SCNN1D: variants seen among roughly 807,000 people sequenced by gnomAD.
SCNN1D encodes sodium channel epithelial 1 subunit delta, also known as epithelial sodium channel subunit delta.
In SCNN1D, 104 loss-of-function variants were observed where a neutral mutation model predicts 87.8. The observed-to-expected ratio is 1.18, with a 90% CI of 1.01 to 1.39. SCNN1D has a LOEUF of 1.39. SCNN1D is among the 40% of genes most tolerant of loss of function. The pLI is 0.00. For missense variants in SCNN1D, 1,324 were observed against 1,093.9 expected (o/e 1.21, Z -2.97); for synonymous variants, 628 against 481.2 (o/e 1.31, Z -3.99).
Position 1,285,758 on chromosome 1 carries a change from G to A in SCNN1D, c.558+94G>A, listed in dbSNP as rs11260578. On this transcript the variant is annotated intron_variant, in intron 6 of 17. Coordinates refer to ENST00000379116, the MANE Select transcript of SCNN1D (RefSeq NM_001130413.4). Reference sequence around the variant, plus strand: ...GGCTACACTGAGACGTGTCAGGGACGGGTGTATCCGGGGAGAAGGGCGCAG... The same window carrying A: ...GGCTACACTGAGACGTGTCAGGGACAGGTGTATCCGGGGAGAAGGGCGCAG... 0.074 allele frequency: 90,016 copies of A among 1,218,022 alleles called. 15,008 individuals carry two copies. The highest frequency in any genetic ancestry group is 0.61 in the East Asian group (23,628 of 38,688). 75.5% of individuals were successfully genotyped at this position (1,218,022 alleles called of 1,614,324 possible). A position where few individuals can be genotyped will look rare whatever the true frequency, so the allele number is the denominator to read the frequency against.
At position 1,288,647 on chromosome 1, in the gene SCNN1D, CCGTGTCTCTGCTCCGT is replaced by C. The variant is rs1327212178; in HGVS notation, c.1662+612_1662+627del. On this transcript the variant is annotated intron_variant, in intron 12 of 17. Transcript: ENST00000379116. ...CCGTCCCCCGTGTCTCTGCCCCGTC[CCGTGTCTCTGCTCCGT>C]CCCGTGTCTCTGCTCCGTCCCGTGT... Among the ~76,000 whole-genome samples, 4 of 125,982 alleles carry C rather than the reference CCGTGTCTCTGCTCCGT, an allele frequency of 3.2e-5. 1 individual carries two copies. The highest frequency in any genetic ancestry group is 9.7e-5 in the African/African-American group (3 of 31,044). The allele number at this position is 125,982 out of a possible 152,430, so 82.6% of individuals were successfully genotyped here.
chr1:1,290,131 CG>C (rs1640742930), intron 12 of SCNN1D, 139 bp from the exon 13 acceptor site: 2 of 502,504 alleles, frequency 4.0e-6, no homozygotes, highest in African/African-American at 5.8e-5. Flanking sequence ...CTCCGTCCCC[CG>C]TGTCTCTGCT....
In SCNN1D at chr1:1,291,397, G is replaced by T; in HGVS notation, c.2196G>T (p.Ala732=). The change falls in exon 18 of 18, where the codon GCG becomes GCT. Residue 732 remains alanine (A), a synonymous_variant. Transcript: ENST00000379116. Reference sequence around the variant, plus strand: ...TAGGCGGCCGCCGGCTCCGCAGGGCGTGGTTCTCCTGGCCCAGAGCCAGCC... The same window carrying T: ...TAGGCGGCCGCCGGCTCCGCAGGGCTTGGTTCTCCTGGCCCAGAGCCAGCC... ...LVLGGRRLRR[A]WFSWPRASPA... The T allele has an allele frequency of 6.2e-7, 1 of 1,608,558 alleles. No homozygotes were observed.
In SCNN1D at chr1:1,287,552, C is replaced by T. The variant is rs139483395; in HGVS notation, c.1355C>T (p.Thr452Met). 6.6e-5 allele frequency: 102 copies of T among 1,547,520 alleles called. No homozygotes were observed. The highest frequency in any genetic ancestry group is 1.4e-4 in the East Asian group (6 of 44,110). The change falls in exon 10 of 18, where the codon ACG becomes ATG. Residue 452 changes from threonine (T) to methionine (M), a missense_variant. Physicochemically the swap from Thr to Met is moderately conservative, Grantham distance 81. Transcript: ENST00000379116. ...CACCCCACCTACGGCAGCTGCTACA[C>T]GGTCGATGGCGTCTGGACAGCTCAG... ...FHHPTYGSCY[T>M]VDGVWTAQRP...
Position 1,287,574 on chromosome 1 carries a change from T to G in SCNN1D, c.1377T>G (p.Ala459=). 2 of 1,589,506 alleles carry G rather than the reference T, an allele frequency of 1.3e-6. No individual in the cohort carries two copies. Among genetic ancestry groups the G allele is most frequent in the Non-Finnish European group, 1.7e-6 (2 of 1,166,350 alleles). ...ACACGGTCGATGGCGTCTGGACAGC[T>G]CAGCGCCCCGGCATCACCCACGGTG... ...SCYTVDGVWT[A]QRPGITHGVG... is the part of the protein sequence containing the mutation. The change falls in exon 10 of 18, where the codon GCT becomes GCG. Residue 459 remains alanine, a synonymous_variant. Transcript: ENST00000379116.
rs565402455 is a variant in SCNN1D, at chr1:1,290,784, G to A, written c.1917+90G>A. On this transcript the variant is annotated intron_variant, in intron 15 of 17. Coordinates refer to ENST00000379116, the MANE Select transcript of SCNN1D (RefSeq NM_001130413.4). Reference sequence around the variant, plus strand: ...GCCCACCCAAGACAAGGGCAGGGCCGGAACTGACCCAGCCTATGCCCCGTG... The same window carrying A: ...GCCCACCCAAGACAAGGGCAGGGCCAGAACTGACCCAGCCTATGCCCCGTG... The A allele has an allele frequency of 1.4e-3, 2,158 of 1,579,784 alleles. 11 individuals carry two copies. The African/African-American group carries it at 0.021, about 15-fold the overall frequency.
chr1:1,287,932 C>G lies in SCNN1D; in HGVS notation c.1564-7C>G. On this transcript the variant is annotated splice_polypyrimidine_tract_variant and splice_region_variant and intron_variant, in intron 11 of 17. Transcript: ENST00000379116. ...AGGGCCCATGGAACTGAAGCGTCCC[C>G]TCCCAGGACGAGGTGCACCGGCTCG... 1.3e-6 allele frequency: 2 copies of G among 1,539,782 alleles called. No homozygotes were observed. Among genetic ancestry groups the G allele is most frequent in the Non-Finnish European group, 8.8e-7 (1 of 1,140,172 alleles).
In SCNN1D at chr1:1,287,276, C is replaced by G; in HGVS notation, c.1287C>G (p.Tyr429Ter). The G allele has an allele frequency of 2.5e-6, 4 of 1,602,528 alleles. No individual in the cohort carries two copies. The highest frequency in any genetic ancestry group is 2.2e-5 in the South Asian group (2 of 90,052). The stretch of plus-strand genomic sequence containing the variant: ...GCCACTTCGTCCTCTCCTGCAGTTA[C>G]GATGGCCTGGACTGCCAGGCCCGGT... ...QDGHFVLSCS[Y>*]DGLDCQARQF... is the part of the protein sequence containing the mutation. The change falls in exon 9 of 18, where the codon TAC (tyrosine) becomes TAG (stop). Residue 429 changes from tyrosine to a stop codon, truncating the protein, a stop_gained. Transcript: ENST00000379116. LOFTEE classifies it high-confidence loss of function.
chr1:1,286,884 C>T lies in SCNN1D; in HGVS notation c.1028C>T (p.Pro343Leu), dbSNP rs762759277. ...KGRAALSATV[P>L]RHEPPFHLDR... ...AGAGCCGCCCTCTCCGCCACTGTCC[C>T]CCGCCACGAGCCCCCCTTCCACCTG... The change falls in exon 8 of 18, where the codon CCC becomes CTC. Residue 343 changes from proline (P) to leucine (L), a missense_variant. By Grantham distance (98) the Pro-to-Leu change is moderately conservative. Coordinates refer to ENST00000379116, the MANE Select transcript of SCNN1D (RefSeq NM_001130413.4). The T allele has an allele frequency of 6.2e-7, 1 of 1,612,600 alleles. No homozygotes were observed. Among genetic ancestry groups the T allele is most frequent in the African/African-American group, 1.3e-5 (1 of 75,020 alleles).
intron 1 of SCNN1D, 91 bp from the exon 2 acceptor site, chr1:1,281,135 G>T: frequency 8.3e-6 from 10 of 1,212,110 alleles, no homozygotes; most frequent in South Asian, 1.3e-5. Context: ...GACCCTGAGT[G>T]GGGGACGCTC....
rs1269819079 is a variant in SCNN1D, at chr1:1,291,521, CCACGGG to C, written c.2321_2326del (p.Pro774_Val776delinsLeu). The C allele has an allele frequency of 6.2e-7, 1 of 1,606,960 alleles. No homozygotes were observed. Among genetic ancestry groups the C allele is most frequent in the Admixed American group, 1.7e-5 (1 of 59,704 alleles). ...CCCGGAGCCCAGCGGGCCTCATCTCCCACGGGTGATGCTTCCAGGGGTTCTGGCGGG... is the reference window on the plus strand; with the variant it reads ...CCCGGAGCCCAGCGGGCCTCATCTCCTGATGCTTCCAGGGGTTCTGGCGGG... On this transcript the variant is annotated inframe_deletion, in exon 18 of 18. Transcript: ENST00000379116.
chr1:1,287,338 C>G (rs943680526), intron 9 of SCNN1D, 39 bp downstream of exon 9: 8 of 1,530,356 alleles, frequency 5.2e-6, no homozygotes, highest in Non-Finnish European at 6.2e-6. Flanking sequence ...TCCGTCCCAC[C>G]CCACAGAGCG....
In SCNN1D at chr1:1,287,157, G is replaced by A. The variant is rs745884849; in HGVS notation, c.1168G>A (p.Val390Met). Residue 390 changes from valine (V) to methionine (M), a missense_variant, in exon 9 of 18, where the codon GTG becomes ATG. Physicochemically the swap from Val to Met is conservative, Grantham distance 21. Transcript: ENST00000379116. ...CTTTTACCGAGGCTACACGTCAGGCGTGGCGGCTGTCCAGGACTGGTACCA... is the reference window on the plus strand; with the variant it reads ...CTTTTACCGAGGCTACACGTCAGGCATGGCGGCTGTCCAGGACTGGTACCA... ...DCFYRGYTSGVAAVQDWYHFH... is the reference protein window; with the variant it reads ...DCFYRGYTSGMAAVQDWYHFH... 23 of 1,608,626 alleles carry A rather than the reference G, an allele frequency of 1.4e-5. No individual in the cohort carries two copies. Among genetic ancestry groups the A allele is most frequent in the Middle Eastern group, 3.3e-4 (2 of 6,082 alleles).
chr1:1,287,593 C>T lies in SCNN1D; in HGVS notation c.1396C>T (p.His466Tyr). The T allele has an allele frequency of 6.2e-7, 1 of 1,601,606 alleles. No individual in the cohort carries two copies. The change falls in exon 10 of 18, where the codon CAC becomes TAC. Residue 466 changes from histidine (H) to tyrosine (Y), a missense_variant. By Grantham distance (83) the His-to-Tyr change is moderately conservative (BLOSUM62 2). Transcript: ENST00000379116. ...GACAGCTCAGCGCCCCGGCATCACC[C>T]ACGGTGGGTGCCAGCCCCTGGCCGG... ...VWTAQRPGITHGVGLVLRVEQ... is the reference protein window; with the variant it reads ...VWTAQRPGITYGVGLVLRVEQ...
chr1:1,286,667 G>A (rs1189418699), intron 7 of SCNN1D, 101 bp from the exon 8 acceptor site: 27 of 1,155,266 alleles, frequency 2.3e-5, no homozygotes, highest in South Asian at 1.9e-4. Context: ...TGGGCGTCCC[G>A]AGTAGGGGAG....
Position 1,287,997 on chromosome 1 carries a change from T to C in SCNN1D, c.1622T>C (p.Val541Ala). Residue 541 changes from valine to alanine, a missense_variant, in exon 12 of 18, where the codon GTG becomes GCG. Transcript: ENST00000379116. ...YGHCTAGGEG[V>A]EVELLHNTSY... ...CACTGCACCGCCGGCGGGGAAGGCG[T>C]GGAGGTGGAGCTGCTACACAACACC... The C allele has an allele frequency of 6.5e-7, 1 of 1,539,458 alleles. No individual in the cohort carries two copies. Among genetic ancestry groups the C allele is most frequent in the Non-Finnish European group, 8.7e-7 (1 of 1,142,936 alleles).
At position 1,290,371 on chromosome 1, in the gene SCNN1D, C is replaced by T; in HGVS notation, c.1763C>T (p.Ala588Val). ...LPAGAEYCSS[A>V]RHPAWGHCFY... ...GCGGGGGCTGAGTACTGCAGCTCTG[C>T]CCGGCACCCTGCCTGGGGTGAGTCC... The change falls in exon 13 of 18, where the codon GCC becomes GTC. Residue 588 changes from alanine (A) to valine (V), a missense_variant. By Grantham distance (64) the Ala-to-Val change is moderately conservative. Coordinates refer to ENST00000379116, the MANE Select transcript of SCNN1D (RefSeq NM_001130413.4). 1.2e-6 allele frequency: 2 copies of T among 1,601,160 alleles called. No individual in the cohort carries two copies. The highest frequency in any genetic ancestry group is 4.5e-5 in the East Asian group (2 of 44,738).
chr1:1,290,549 C>G lies in SCNN1D; in HGVS notation c.1853C>G (p.Pro618Arg). 1 of 1,612,678 alleles carries G rather than the reference C, an allele frequency of 6.2e-7. No individual in the cohort carries two copies. Among genetic ancestry groups the G allele is most frequent in the Non-Finnish European group, 8.5e-7 (1 of 1,179,902 alleles). ...CCCTGTACCTCCCGCTGCCCCAGGC[C>G]CTGCAGGTGAGACGGGGGTGTTGGG... ...RLPCTSRCPRPCRESAFKLST... is the reference protein window; with the variant it reads ...RLPCTSRCPRRCRESAFKLST... The change falls in exon 14 of 18, where the codon CCC becomes CGC. Residue 618 changes from proline to arginine, a missense_variant. Pro to Arg is a moderately radical substitution (Grantham distance 103). Coordinates refer to ENST00000379116, the MANE Select transcript of SCNN1D (RefSeq NM_001130413.4).
chr1:1,281,334 C>T (rs1640466271), intron 2 of SCNN1D, 37 bp downstream of exon 2: 1 of 1,535,084 alleles, frequency 6.5e-7, no homozygotes, highest in Non-Finnish European at 8.7e-7. Flanking sequence ...TGGGGCCTGG[C>T]CGTCTTTCCT....
Sources: gnomAD v4.1 joint callset for allele counts (sites outside exome capture counted in the v4.1 genomes callset) on GRCh38, gnomAD v4.1.1 for gene constraint, MANE v1.5 for transcripts, NCBI Gene and HGNC (gene_info 2026-07-23, HGNC 2026-07-21) for gene names.